Variants in SPATA24 observed in about 807,000 individuals in gnomAD.
SPATA24 encodes the protein spermatogenesis associated 24, also known as spermatogenesis-associated protein 24.
SPATA24 carries 21 observed loss-of-function variants against 28.9 expected under a neutral mutation model. The observed-to-expected ratio is 0.73, with a 90% CI of 0.52 to 1.05. SPATA24 has a LOEUF of 1.05. SPATA24 is among the 50% of genes least tolerant of loss of function. The pLI is 0.00. For synonymous variants in SPATA24, 76 were observed against 89.9 expected, an observed-to-expected ratio of 0.85 and a Z score of 0.88; for missense variants, 215 against 242.9, an observed-to-expected ratio of 0.88 and a Z score of 0.76.
chr5:139,393,669 C>G (rs780987978), downstream of SPATA24: 1 of 1,550,896 alleles, frequency 6.4e-7, no homozygotes, highest in South Asian at 1.2e-5. Context: ...CTTCGAGGGA[C>G]GGGCTCCTTT....
chr5:139,399,619 C>T (rs971869158), intron 4 of SPATA24, among the ~76,000 whole-genome samples: 3 of 152,146 alleles, frequency 2.0e-5, no homozygotes, highest in Admixed American at 1.3e-4. Context: ...CTGTGGCACC[C>T]GATGGTGAGA....
intron 1 of SPATA24, 75 bp from the exon 2 acceptor site, chr5:139,402,768 G>A (rs145717250): frequency 1.3e-4 from 141 of 1,114,964 alleles, no homozygotes; most frequent in Non-Finnish European, 1.8e-4. Context: ...AGGACCAAAA[G>A]CGGATAACAG....
downstream of SPATA24, chr5:139,394,279 C>T (rs1337734254): frequency 1.3e-6 from 2 of 1,537,630 alleles, no homozygotes; most frequent in African/African-American, 1.4e-5. Flanking sequence ...GAAGGTGGCG[C>T]TGCTCGGGGC....
chr5:139,393,198 G>A (rs1225758894), downstream of SPATA24: 5 of 1,549,566 alleles, frequency 3.2e-6, no homozygotes, highest in Admixed American at 2.0e-5. Flanking sequence ...TCACCAACTT[G>A]CGCACGTCTC....
intron 4 of SPATA24, among the ~76,000 whole-genome samples, chr5:139,398,752 A>G (rs1388611180): frequency 1.3e-5 from 2 of 151,600 alleles, no homozygotes; most frequent in Non-Finnish European, 1.5e-5. Flanking sequence ...GGCCAGGCAC[A>G]GTGGCTCATG....
chr5:139,395,169 TG>T, downstream of SPATA24: 1 of 1,290,874 alleles, frequency 7.7e-7, no homozygotes, highest in South Asian at 1.9e-5. Flanking sequence ...GAGGATGCCG[TG>T]GGGGTCACCG....
intron 4 of SPATA24, among the ~76,000 whole-genome samples, chr5:139,400,751 C>T (rs1048788337): frequency 1.3e-5 from 2 of 151,992 alleles, no homozygotes; most frequent in Admixed American, 6.6e-5. Flanking sequence ...CAGGCATCTG[C>T]ACAGAGCAGA....
At chr5:139,394,464 G>C, downstream of SPATA24, 2 of 1,410,370 alleles carry the variant, frequency 1.4e-6, no homozygotes, top group Non-Finnish European at 9.2e-7. Context: ...TCTGACGCTT[G>C]GGCACTGTCC....
At chr5:139,401,431 T>G (rs553330690) in intron 4 of SPATA24, 1 of 606,140 alleles carries the variant, frequency 1.6e-6, no homozygotes, top group Non-Finnish European at 2.9e-6. Context: ...GCTTGCCCTG[T>G]GTTCCTCTTG....
chr5:139,400,244 C>A (rs1021530420), intron 4 of SPATA24, among the ~76,000 whole-genome samples: 1 of 151,900 alleles, frequency 6.6e-6, no homozygotes, highest in Non-Finnish European at 1.5e-5. Flanking sequence ...TGGGCTCTGG[C>A]CTACTGGAGA....
Position 139,397,127 on chromosome 5 carries a change from A to T in SPATA24, c.402T>A (p.Ile134=). The T allele has an allele frequency of 6.4e-7, 1 of 1,552,054 alleles. No individual in the cohort carries two copies. The highest frequency in any genetic ancestry group is 1.4e-5 in the African/African-American group (1 of 73,156). Reference sequence around the variant, plus strand: ...CATTAAGTATATCTTCTTGCTTTATAATGTGAGACTCAATCTCTGTGGGGG... The same window carrying T: ...CATTAAGTATATCTTCTTGCTTTATTATGTGAGACTCAATCTCTGTGGGGG... The part of the protein sequence containing the change: ...ITKCNEIESH[I]IKQEDILNGK... The change falls in exon 5 of 6, where the codon ATT becomes ATA. Residue 134 remains isoleucine, a synonymous_variant. Transcript: ENST00000450845.
rs1758834585 is a variant in SPATA24 at position 139,401,991 on chromosome 5, TCTC to T, written c.235_237del (p.Glu79del). The T allele has an allele frequency of 2.6e-6, 4 of 1,551,522 alleles. No homozygotes were observed. The highest frequency in any genetic ancestry group is 2.0e-5 in the Admixed American group (1 of 50,964). On this transcript the variant is annotated inframe_deletion, in exon 3 of 6. Coordinates refer to ENST00000450845, the MANE Select transcript of SPATA24 (RefSeq NM_194296.2). ...ACCTCTCCGAGGGCAAACTGTAACTTCTCCTCTTCCTTGGCCAGGAGGACCTTG... is the reference window on the plus strand; with the variant it reads ...ACCTCTCCGAGGGCAAACTGTAACTTCTCTTCCTTGGCCAGGAGGACCTTG...
rs764036922 is a variant in SPATA24 at position 139,401,748 on chromosome 5, C to G, written c.385+7G>C. 21 of 1,551,472 alleles carry G rather than the reference C, an allele frequency of 1.4e-5. No individual in the cohort carries two copies. Among genetic ancestry groups the G allele is most frequent in the Non-Finnish European group, 1.8e-5 (21 of 1,146,958 alleles). On this transcript the variant is annotated splice_region_variant and intron_variant, in intron 4 of 5. Transcript: ENST00000450845. ...ACCGTGGTGGAGAGCACGGGCCTCCCGCCTACCATTGCACTTGGTGATGAG... is the reference window on the plus strand; with the variant it reads ...ACCGTGGTGGAGAGCACGGGCCTCCGGCCTACCATTGCACTTGGTGATGAG...
At chr5:139,395,048 C>T, downstream of SPATA24, 1 of 1,422,044 alleles carries the variant, frequency 7.0e-7, no homozygotes, top group Middle Eastern at 2.4e-4. Context: ...CTCGGGATCC[C>T]AGGCAGGGCT....
chr5:139,397,307 TG>T (rs1051919093), intron 4 of SPATA24, among the ~76,000 whole-genome samples, 164 bp from the exon 5 acceptor site: 1 of 152,074 alleles, frequency 6.6e-6, no homozygotes, highest in Non-Finnish European at 1.5e-5. Context: ...TATGCAGTCT[TG>T]GGGGAGTGCA....
At chr5:139,402,186 G>T in intron 2 of SPATA24, 141 bp from the exon 3 acceptor site, 2 of 1,027,352 alleles carry the variant, frequency 1.9e-6, no homozygotes, top group Non-Finnish European at 2.7e-6. Flanking sequence ...AGGGGCTGGA[G>T]GTTCTCAGAG....
chr5:139,402,910 A>G (rs1283788411), intron 1 of SPATA24, among the ~76,000 whole-genome samples: 1 of 152,254 alleles, frequency 6.6e-6, no homozygotes, highest in East Asian at 1.9e-4. Context: ...GGCAGTCCAC[A>G]GTTAGCACTT....
At chr5:139,393,039 G>A, downstream of SPATA24, 1 of 1,529,620 alleles carries the variant, frequency 6.5e-7, no homozygotes, top group Non-Finnish European at 8.8e-7. Flanking sequence ...TGATGAAAAC[G>A]GAAGTGTAGT....
downstream of SPATA24, chr5:139,393,512 G>C: frequency 1.3e-6 from 2 of 1,551,550 alleles, no homozygotes; most frequent in Middle Eastern, 1.7e-4. Context: ...GGCCCCATGG[G>C]ATCCCATGTC....
Sources: gnomAD v4.1 joint callset for allele counts (sites outside exome capture counted in the v4.1 genomes callset) on GRCh38, gnomAD v4.1.1 for gene constraint, MANE v1.5 for transcripts, NCBI Gene and HGNC (gene_info 2026-07-23, HGNC 2026-07-21) for gene names.